Variants in LRRC1 observed in about 807,000 individuals in gnomAD.
The protein encoded by LRRC1 is leucine rich repeat containing 1.
LRRC1 carries 28 observed loss-of-function variants against 69.9 expected under a neutral mutation model. The observed-to-expected ratio is 0.40, with a 90% confidence interval of 0.30 to 0.55. The LOEUF (loss-of-function observed/expected upper bound fraction) is 0.55, where lower values mean the gene tolerates loss of function less well. Among genes scored for constraint, LRRC1 ranks in the 20% least tolerant of loss-of-function variants. The pLI is 0.47. For missense variants in LRRC1, 498 were observed against 609.0 expected (o/e 0.82, Z 1.92); for synonymous variants, 236 against 240.2 (o/e 0.98, Z 0.16).
At chr6:53,890,384 C>A (rs1479002550) in intron 4 of LRRC1, among the ~76,000 whole-genome samples, 1 of 152,124 alleles carries the variant, frequency 6.6e-6, no homozygotes, top group African/African-American at 2.4e-5. Flanking sequence ...GCCCTAGGTT[C>A]TCTGGCAGAT....
rs183864335 is a variant in LRRC1, at chr6:53,894,529, T to A, written c.447-1969T>A. Among the ~76,000 whole-genome samples, 5 of 152,272 alleles carry A rather than the reference T, an allele frequency of 3.3e-5. No homozygotes were observed. In the East Asian group the frequency reaches 9.6e-4, roughly 29 times the overall value. Reference sequence around the variant, plus strand: ...TTCATTAGTGGGTGTCCTTGGTTTGTTAAAATAGGTGTGAAAGTAGTGGAT... The same window carrying A: ...TTCATTAGTGGGTGTCCTTGGTTTGATAAAATAGGTGTGAAAGTAGTGGAT... On this transcript the variant is annotated intron_variant, in intron 4 of 13. Coordinates refer to ENST00000370888, the MANE Select transcript of LRRC1 (RefSeq NM_018214.5).
At chr6:53,803,577 T>C (rs1238282351) in intron 1 of LRRC1, among the ~76,000 whole-genome samples, 1 of 146,866 alleles carries the variant, frequency 6.8e-6, no homozygotes, top group African/African-American at 2.5e-5. Context: ...TCTAATAGAG[T>C]GTGTGTGTGT....
At chr6:53,815,940 A>G (rs1277071589) in intron 1 of LRRC1, among the ~76,000 whole-genome samples, 1 of 152,256 alleles carries the variant, frequency 6.6e-6, no homozygotes, top group East Asian at 1.9e-4. Context: ...TATCCAGGAT[A>G]TAAGTAGGTT....
chr6:53,800,720 A>G lies in LRRC1; in HGVS notation c.159+5305A>G, dbSNP rs757234657. 6.6e-5 allele frequency among the ~76,000 whole-genome samples: 10 copies of G among 151,062 alleles called. 1 individual carries two copies. The highest frequency in any genetic ancestry group is 1.3e-4 in the Non-Finnish European group (9 of 67,838). On this transcript the variant is annotated intron_variant, in intron 1 of 13. Coordinates refer to ENST00000370888, the MANE Select transcript of LRRC1 (RefSeq NM_018214.5). ...GGTGATGCAGTCTTGGCTCACTGCA[A>G]CCTCTACCTCCTGGGTTCAAGCGAT... is the stretch of plus-strand genomic sequence containing the variant.
At position 53,795,050 on chromosome 6, in the gene LRRC1, C is replaced by A. The variant is rs903916971; in HGVS notation, c.-207C>A. ...GGGAGTGGAGGCACCGGCTGGCGGG[C>A]GGGGGTACAGGGACGGGGCAGGGGC... On this transcript the variant is annotated 5_prime_UTR_variant, in exon 1 of 14. Coordinates refer to ENST00000370888, the MANE Select transcript of LRRC1 (RefSeq NM_018214.5). 1 of 396,524 alleles carries A rather than the reference C, an allele frequency of 2.5e-6. No individual in the cohort carries two copies. Among genetic ancestry groups the A allele is most frequent in the Non-Finnish European group, 4.4e-6 (1 of 224,738 alleles). The allele number at this position is 396,524 out of a possible 1,614,324, so 24.6% of individuals were successfully genotyped here.
intron 2 of LRRC1, among the ~76,000 whole-genome samples, chr6:53,866,099 C>T (rs1455820886): frequency 2.0e-5 from 3 of 151,964 alleles, no homozygotes; most frequent in African/African-American, 7.3e-5. Context: ...TGAGAGGAGA[C>T]CAAGAAAGCA....
intron 10 of LRRC1, among the ~76,000 whole-genome samples, chr6:53,907,260 C>T (rs912663221): frequency 6.6e-6 from 1 of 152,038 alleles, no homozygotes; most frequent in Non-Finnish European, 1.5e-5. Context: ...AAATGCTGAC[C>T]GATTCAATTC....
At chr6:53,898,990 A>C (rs1265745061) in intron 7 of LRRC1, among the ~76,000 whole-genome samples, 2 of 152,176 alleles carry the variant, frequency 1.3e-5, no homozygotes, top group African/African-American at 4.8e-5. Flanking sequence ...GTCTCAGGAA[A>C]GGGGAAGTTA....
intron 2 of LRRC1, among the ~76,000 whole-genome samples, chr6:53,864,712 G>T (rs760016160): frequency 6.6e-6 from 1 of 152,126 alleles, no homozygotes; most frequent in African/African-American, 2.4e-5. Context: ...AAAAATGGCA[G>T]CTCTTCTTGT....
intron 11 of LRRC1, among the ~76,000 whole-genome samples, chr6:53,918,380 T>C (rs865937854): frequency 1.3e-5 from 2 of 152,244 alleles, no homozygotes; most frequent in South Asian, 2.1e-4. Flanking sequence ...CACAGAAATC[T>C]TTTGCAAAAT....
intron 1 of LRRC1, among the ~76,000 whole-genome samples, chr6:53,826,874 C>T (rs960464674): frequency 3.3e-5 from 5 of 151,748 alleles, no homozygotes; most frequent in African/African-American, 1.2e-4. Context: ...GTTTCCCTTT[C>T]CTTGGTGACT....
chr6:53,862,475 C>A (rs889657165), intron 2 of LRRC1, among the ~76,000 whole-genome samples: 1 of 152,078 alleles, frequency 6.6e-6, no homozygotes, highest in Non-Finnish European at 1.5e-5. Context: ...GCATCTTGTA[C>A]CCCAGGACAT....
chr6:53,894,226 G>A (rs1403096542), intron 4 of LRRC1, among the ~76,000 whole-genome samples: 7 of 152,114 alleles, frequency 4.6e-5, no homozygotes, highest in African/African-American at 7.2e-5. Context: ...AAAACCTCAC[G>A]GTCCTAATCA....
At chr6:53,895,864 G>A (rs1767852477) in intron 4 of LRRC1, among the ~76,000 whole-genome samples, 1 of 152,170 alleles carries the variant, frequency 6.6e-6, no homozygotes, top group African/African-American at 2.4e-5. Context: ...CATTATTATA[G>A]CTACCATTTA....
chr6:53,835,305 TA>T (rs1367184383), intron 1 of LRRC1, among the ~76,000 whole-genome samples: 1 of 152,232 alleles, frequency 6.6e-6, no homozygotes, highest in Non-Finnish European at 1.5e-5. Flanking sequence ...CTTAATGTTA[TA>T]TTGTGTGCTA....
intron 1 of LRRC1, among the ~76,000 whole-genome samples, chr6:53,828,898 A>G (rs944601010): frequency 6.6e-6 from 1 of 152,236 alleles, no homozygotes; most frequent in Admixed American, 6.5e-5. Context: ...TGTTATCATT[A>G]GATCTAATAT....
Position 53,897,344 on chromosome 6 carries a change from G to C in LRRC1, c.627G>C (p.Leu209=). Residue 209 remains leucine (L), a synonymous_variant, in exon 7 of 14, where the codon CTG becomes CTC. Coordinates refer to ENST00000370888, the MANE Select transcript of LRRC1 (RefSeq NM_018214.5). ...ATCTCTGGTTGGATGGAAATCAACTGTCAGAATTACCTCAGGTAAGTGGTA... is the reference window on the plus strand; with the variant it reads ...ATCTCTGGTTGGATGGAAATCAACTCTCAGAATTACCTCAGGTAAGTGGTA... ...LKDLWLDGNQ[L]SELPQEIGNL... is the part of the protein sequence containing the mutation. The C allele has an allele frequency of 6.2e-7, 1 of 1,610,362 alleles. No homozygotes were observed. Among genetic ancestry groups the C allele is most frequent in the Non-Finnish European group, 8.5e-7 (1 of 1,176,918 alleles).
chr6:53,827,878 A>C (rs1299062991), intron 1 of LRRC1, among the ~76,000 whole-genome samples: 1 of 152,188 alleles, frequency 6.6e-6, no homozygotes, highest in African/African-American at 2.4e-5. Flanking sequence ...AAACCTACAA[A>C]AATGTTGATG....
chr6:53,796,552 A>T (rs190238877), intron 1 of LRRC1, among the ~76,000 whole-genome samples: 11 of 152,350 alleles, frequency 7.2e-5, no homozygotes, highest in Non-Finnish European at 1.0e-4. Context: ...AAGTGTTCTG[A>T]CTTGTTAGAA....
Sources: allele counts gnomAD v4.1 joint callset (sites outside exome capture counted in the v4.1 genomes callset), GRCh38; gene constraint gnomAD v4.1.1; transcripts MANE v1.5; gene names NCBI Gene and HGNC (gene_info 2026-07-23, HGNC 2026-07-21).